PCDH15: variants seen among roughly 807,000 people sequenced by gnomAD.
PCDH15 encodes protocadherin related 15.
A neutral mutation model predicts 178.5 loss-of-function variants in PCDH15; 129 were observed. The observed-to-expected ratio is 0.72, with a 90% CI of 0.63 to 0.84. The LOEUF (loss-of-function observed/expected upper bound fraction) is 0.84, where lower values mean the gene tolerates loss of function less well. PCDH15 is among the 40% of genes least tolerant of loss of function. The probability of loss-of-function intolerance (pLI) is 0.00; values close to 1 mark genes in which losing one functional copy is unlikely to be tolerated. For missense variants in PCDH15, 2,230 were observed against 2,099.9 expected (o/e 1.06, Z -1.21); for synonymous variants, 800 against 732.0 (o/e 1.09, Z -1.50).
At chr10:53,888,254 C>T (rs185086469) in intron 26 of PCDH15, among the ~76,000 whole-genome samples, 1 of 112,396 alleles carries the variant, frequency 8.9e-6, no homozygotes, top group Admixed American at 9.4e-5. Context: ...ATCTGTAGAC[C>T]AATTGGATAC....
chr10:54,679,224 A>T (rs1016870060), intron 1 of PCDH15, among the ~76,000 whole-genome samples: 1 of 151,800 alleles, frequency 6.6e-6, no homozygotes, highest in South Asian at 2.1e-4. Context: ...TACAATTGAC[A>T]ATAATATATG....
At chr10:54,949,044 G>A (rs1838264622) in intron 2 of PCDH15, among the ~76,000 whole-genome samples, 5 of 151,704 alleles carry the variant, frequency 3.3e-5, no homozygotes, top group South Asian at 2.1e-4. Flanking sequence ...TGATAATTTT[G>A]TAAGAGACAT....
rs1053601450 is a variant in PCDH15, at chr10:54,990,023, A to G, written c.-79-92523T>C. 1.1e-4 allele frequency among the ~76,000 whole-genome samples: 16 copies of G among 152,212 alleles called. No homozygotes were observed. The East Asian group carries it at 3.1e-3, about 29-fold the overall frequency. ...CCTGCTGCCCTCCATGTAAGATGTGACTTGCTCCTCCTTGTCTTCTGCCAT... is the reference window on the plus strand; with the variant it reads ...CCTGCTGCCCTCCATGTAAGATGTGGCTTGCTCCTCCTTGTCTTCTGCCAT... On this transcript the variant is annotated intron_variant, in intron 2 of 5. Coordinates refer to the PCDH15 transcript ENST00000458638.
In PCDH15 at chr10:54,786,686, T is replaced by C. The variant is rs1171655144; in HGVS notation, c.-29+14239A>G. 2.6e-5 allele frequency among the ~76,000 whole-genome samples: 4 copies of C among 151,908 alleles called. No homozygotes were observed. The East Asian group carries it at 7.7e-4, about 29-fold the overall frequency. On this transcript the variant is annotated intron_variant, in intron 1 of 37. Coordinates refer to ENST00000644397, the MANE Select transcript of PCDH15 (RefSeq NM_001384140.1). ...AAGGGTATGCTTTGTGGAATAGGAT[T>C]TTATAGATCTTTGAATTTATGTCAA...
At chr10:54,905,527 T>C (rs1015798344) in intron 2 of PCDH15, among the ~76,000 whole-genome samples, 1 of 152,138 alleles carries the variant, frequency 6.6e-6, no homozygotes, top group Non-Finnish European at 1.5e-5. Context: ...TTTGATCTCT[T>C]TATCACTTTA....
intron 17 of PCDH15, among the ~76,000 whole-genome samples, chr10:54,067,409 A>G (rs921067402): frequency 1.4e-4 from 22 of 152,212 alleles, no homozygotes; most frequent in Non-Finnish European, 3.1e-4. Context: ...GAGTTTGAGT[A>G]CCATATACTA....
chr10:54,199,849 G>A (rs547254628), intron 10 of PCDH15, among the ~76,000 whole-genome samples: 1 of 152,086 alleles, frequency 6.6e-6, no homozygotes, highest in Admixed American at 6.6e-5. Flanking sequence ...TTATATTTAA[G>A]TGCTAGGTTT....
In PCDH15 at chr10:54,421,689, T is replaced by C. The variant is rs1001398116; in HGVS notation, c.158-42747A>G. Among the ~76,000 whole-genome samples the C allele has an allele frequency of 1.6e-4, 17 of 104,788 alleles. 2 individuals are homozygous for C. The highest frequency in any genetic ancestry group is 0.011 in the Middle Eastern group (2 of 176). The allele number at this position is 104,788 out of a possible 152,430, so 68.7% of individuals were successfully genotyped here. A position where few individuals can be genotyped will look rare whatever the true frequency, so the allele number is the denominator to read the frequency against. ...ATATATACATATATATATATATATATATATACACACACACACACACACTAT... is the reference window on the plus strand; with the variant it reads ...ATATATACATATATATATATATATACATATACACACACACACACACACTAT... On this transcript the variant is annotated intron_variant, in intron 3 of 37. Transcript: ENST00000644397.
intron 2 of PCDH15, among the ~76,000 whole-genome samples, chr10:55,139,103 C>A (rs7081462): frequency 0.22 from 33,175 of 151,790 alleles, 4,174 homozygotes; most frequent in Non-Finnish European, 0.27. Context: ...AAGTTCTTAT[C>A]TGCCATATTT....
chr10:54,699,354 T>C (rs1442466800), intron 1 of PCDH15, among the ~76,000 whole-genome samples: 1 of 152,030 alleles, frequency 6.6e-6, no homozygotes, highest in Middle Eastern at 3.2e-3. Context: ...TGAATAAAAG[T>C]CATCAAAATA....
At chr10:55,451,882 A>G (rs1348745512) in intron 2 of PCDH15, among the ~76,000 whole-genome samples, 2 of 152,240 alleles carry the variant, frequency 1.3e-5, no homozygotes, top group Admixed American at 6.5e-5. Flanking sequence ...AGCTTTAGCT[A>G]TATCTCTCAA....
At chr10:55,580,575 C>T (rs1330196213) in intron 2 of PCDH15, among the ~76,000 whole-genome samples, 1 of 151,946 alleles carries the variant, frequency 6.6e-6, no homozygotes, top group Non-Finnish European at 1.5e-5. Flanking sequence ...CCAGGCTGGT[C>T]TGGTCTCAAA....
At position 53,840,391 on chromosome 10, in the gene PCDH15, G is replaced by C. The variant is rs762140440; in HGVS notation, c.3912C>G (p.Thr1304=). ...HGDAFSLEDY[T]KCDLTVYAID... ...TTGCATAGACAGTCAAGTCACATTT[G>C]GTGTAATCTTCTAGGGAAAAGGCAT... The change falls in exon 29 of 38, where the codon ACC becomes ACG. Residue 1304 remains threonine, a synonymous_variant. Coordinates refer to ENST00000644397, the MANE Select transcript of PCDH15 (RefSeq NM_001384140.1). 1.2e-6 allele frequency: 2 copies of C among 1,613,994 alleles called. No homozygotes were observed. Among genetic ancestry groups the C allele is most frequent in the Non-Finnish European group, 1.7e-6 (2 of 1,179,922 alleles).
chr10:54,063,887 C>T (rs1175368351), intron 18 of PCDH15, among the ~76,000 whole-genome samples: 1 of 152,184 alleles, frequency 6.6e-6, no homozygotes, highest in Admixed American at 6.5e-5. Context: ...GCACCCGCGT[C>T]TGGATGAGGG....
At chr10:54,220,498 G>A (rs1007448674) in intron 9 of PCDH15, among the ~76,000 whole-genome samples, 1 of 152,102 alleles carries the variant, frequency 6.6e-6, no homozygotes, top group Non-Finnish European at 1.5e-5. Context: ...TCTGTTTCTG[G>A]AAGGTTGGTT....
chr10:55,182,498 C>T (rs1358968121), intron 1 of PCDH15, among the ~76,000 whole-genome samples: 3 of 151,976 alleles, frequency 2.0e-5, no homozygotes, highest in African/African-American at 4.8e-5. Context: ...TCGCTGTCAA[C>T]TTGGACAGGT....
chr10:55,142,126 C>T (rs80004279), intron 2 of PCDH15, among the ~76,000 whole-genome samples: 3,783 of 152,136 alleles, frequency 0.025, 153 homozygotes, highest in African/African-American at 0.086. Flanking sequence ...TGAAAGCAAA[C>T]CACCACCAAA....
At chr10:54,055,582 AC>A (rs1366394777) in intron 18 of PCDH15, among the ~76,000 whole-genome samples, 2 of 152,158 alleles carry the variant, frequency 1.3e-5, no homozygotes, top group African/African-American at 2.4e-5. Flanking sequence ...GAGAATTCTG[AC>A]CTTAGCAGAC....
At chr10:55,288,086 A>G (rs1195897193) in intron 1 of PCDH15, among the ~76,000 whole-genome samples, 1 of 150,258 alleles carries the variant, frequency 6.7e-6, no homozygotes, top group Admixed American at 6.7e-5. Flanking sequence ...TAATTTATAT[A>G]TATATGTGTA....
Sources: gnomAD v4.1 joint callset for allele counts (sites outside exome capture counted in the v4.1 genomes callset) on GRCh38, gnomAD v4.1.1 for gene constraint, MANE v1.5 for transcripts, NCBI Gene and HGNC (gene_info 2026-07-23, HGNC 2026-07-21) for gene names.